Variants in NOL8 observed in about 807,000 individuals in gnomAD.
The protein encoded by NOL8 is nucleolar protein 8.
Under a neutral mutation model 116.1 loss-of-function variants are expected in NOL8, and 93 were observed. That is an observed-to-expected ratio of 0.80 (90% CI 0.68 to 0.95). The LOEUF (loss-of-function observed/expected upper bound fraction) is 0.95. NOL8 is among the 40% of genes least tolerant of loss of function. NOL8 has a pLI of 0.00. For missense variants in NOL8, 1,291 were observed against 1,382.8 expected (o/e 0.93, Z 1.05); for synonymous variants, 419 against 469.0 (o/e 0.89, Z 1.38).
chr9:92,306,341 TA>T (rs1015993100), intron 11 of NOL8, among the ~76,000 whole-genome samples: 5 of 152,234 alleles, frequency 3.3e-5, no homozygotes, highest in African/African-American at 1.2e-4. Context: ...TGGATTTTTT[TA>T]GCTTTTAAAA....
At chr9:92,304,694 G>A (rs772669539) in intron 12 of NOL8, among the ~76,000 whole-genome samples, 13 of 152,104 alleles carry the variant, frequency 8.5e-5, no homozygotes, top group Admixed American at 1.3e-4. Flanking sequence ...AGAAAGTAAC[G>A]AAAATAGTAG....
intron 16 of NOL8, 114 bp downstream of exon 16, chr9:92,298,143 G>A: frequency 1.3e-6 from 1 of 776,206 alleles, no homozygotes; most frequent in Non-Finnish European, 2.1e-6. Flanking sequence ...TCACTCAATT[G>A]AGCCAGTCTG....
rs1045363809 is a variant in NOL8, at chr9:92,298,620, A to T, written c.3373+264T>A. ...GTTTTCACATGGAATTTATGGCACTAAAACTTAGGGGTTTTATATGTCTAA... is the reference window on the plus strand; with the variant it reads ...GTTTTCACATGGAATTTATGGCACTTAAACTTAGGGGTTTTATATGTCTAA... On this transcript the variant is annotated intron_variant, in intron 15 of 16. Transcript: ENST00000442668. 5.0e-5 allele frequency: 24 copies of T among 478,178 alleles called. No individual in the cohort carries two copies. The East Asian group carries it at 7.5e-4, about 15-fold the overall frequency. 29.6% of individuals were successfully genotyped at this position (478,178 alleles called of 1,614,324 possible).
intron 13 of NOL8, chr9:92,300,693 CT>C: frequency 9.2e-7 from 1 of 1,089,064 alleles, no homozygotes; most frequent in Admixed American, 4.1e-5. Flanking sequence ...ATTTGCAATA[CT>C]TTTTGAACAA....
Position 92,315,473 on chromosome 9 carries a change from A to T in NOL8, c.1152T>A (p.Ile384=). The change falls in exon 7 of 17, where the codon ATT becomes ATA. Residue 384 remains isoleucine, a synonymous_variant. Transcript: ENST00000442668. ...REYDSGDTDE[I]IAMKKNVAKV... ...TAGCAACATTTTTTTTCATCGCAAT[A>T]ATTTCATCTGTATCTCCTGAGTCAT... 1 of 1,604,262 alleles carries T rather than the reference A, an allele frequency of 6.2e-7. No homozygotes were observed. Among genetic ancestry groups the T allele is most frequent in the Non-Finnish European group, 8.5e-7 (1 of 1,174,922 alleles).
intron 12 of NOL8, among the ~76,000 whole-genome samples, chr9:92,303,344 A>T (rs1837913831): frequency 6.6e-6 from 1 of 152,112 alleles, no homozygotes; most frequent in African/African-American, 2.4e-5. Flanking sequence ...AAGTTAAGGA[A>T]TTTTTTTTAT....
At chr9:92,304,679 T>C (rs1012416059) in intron 12 of NOL8, among the ~76,000 whole-genome samples, 1 of 152,190 alleles carries the variant, frequency 6.6e-6, no homozygotes, top group Non-Finnish European at 1.5e-5. Flanking sequence ...CAATTTTAGG[T>C]TTACAGAAAG....
intron 12 of NOL8, 41 bp downstream of exon 12, chr9:92,305,712 A>C (rs377718847): frequency 1.5e-6 from 2 of 1,343,898 alleles, no homozygotes; most frequent in Non-Finnish European, 2.1e-6. Context: ...AATGAGATTA[A>C]TTTACATGAT....
At chr9:92,303,216 G>T (rs1175800066) in intron 12 of NOL8, among the ~76,000 whole-genome samples, 1 of 152,058 alleles carries the variant, frequency 6.6e-6, no homozygotes, top group African/African-American at 2.4e-5. Context: ...TTAAGAAAGG[G>T]CTTCTAAGCA....
At position 92,311,271 on chromosome 9, in the gene NOL8, A is replaced by G. The variant is rs1359824254; in HGVS notation, c.2359-12T>C. 1.3e-6 allele frequency: 2 copies of G among 1,590,906 alleles called. No homozygotes were observed. The highest frequency in any genetic ancestry group is 3.4e-5 in the Admixed American group (2 of 58,866). On this transcript the variant is annotated splice_polypyrimidine_tract_variant and intron_variant, in intron 7 of 16. Transcript: ENST00000442668. ...TCTGGATGACCATCCTAGGGAGGCC[A>G]TCGAAAGCATTGCATCTTAAAAAGA...
chr9:92,301,584 AAG>A lies in NOL8; in HGVS notation c.3140_3141del (p.Ser1047PhefsTer3). On this transcript the variant is annotated frameshift_variant, in exon 13 of 17. Coordinates refer to ENST00000442668, the MANE Select transcript of NOL8 (RefSeq NM_017948.6). LOFTEE classifies it high-confidence loss of function. ...ATGTCTTTAGTGTCTGAATCAAAAA[AAG>A]AGAACGTGAACCCGCTGGGCTGCTC... Reference protein sequence around the residue: ...DAEQPSGFTFSFFDSDTKDIK... With the variant: ...DAEQPSGFTFXFFDSDTKDIK... The A allele has an allele frequency of 6.2e-7, 1 of 1,603,594 alleles. No homozygotes were observed.
At chr9:92,319,479 AAAAC>A in intron 4 of NOL8, 123 bp from the exon 5 acceptor site, 2 of 970,278 alleles carry the variant, frequency 2.1e-6, no homozygotes, top group Non-Finnish European at 2.8e-6. Context: ...AAACCAAAAT[AAAAC>A]AAAAATGCTT....
chr9:92,300,016 T>C lies in NOL8; in HGVS notation c.3176A>G (p.Glu1059Gly), dbSNP rs1837597093. ...TTTCACTGTTTCAACTCTGTAGGTC[T>C]CTATATCGTTATGACAACAAAAGAT... is the stretch of plus-strand genomic sequence containing the variant. Reference protein sequence around the residue: ...FDSDTKDIKEETYRVETVKPG... With the variant: ...FDSDTKDIKEGTYRVETVKPG... Residue 1059 changes from glutamate (E) to glycine (G), a missense_variant and splice_region_variant, in exon 14 of 17, where the codon GAG becomes GGG. Physicochemically the swap from Glu to Gly is moderately conservative, Grantham distance 98. Transcript: ENST00000442668. The C allele has an allele frequency of 6.2e-7, 1 of 1,612,438 alleles. No individual in the cohort carries two copies. Among genetic ancestry groups the C allele is most frequent in the East Asian group, 2.2e-5 (1 of 44,790 alleles).
chr9:92,307,153 C>T, intron 10 of NOL8, 129 bp from the exon 11 acceptor site: 4 of 901,688 alleles, frequency 4.4e-6, no homozygotes, highest in Non-Finnish European at 6.5e-6. Context: ...ACTTTAACCT[C>T]ATTTCACTAA....
At chr9:92,312,440 A>G (rs1838882706) in intron 7 of NOL8, among the ~76,000 whole-genome samples, 1 of 113,842 alleles carries the variant, frequency 8.8e-6, no homozygotes, top group Admixed American at 9.0e-5. Flanking sequence ...ACAGAGTGAG[A>G]CCCTGTAAAA....
chr9:92,307,150 C>A, intron 10 of NOL8, 126 bp from the exon 11 acceptor site: 1 of 921,286 alleles, frequency 1.1e-6, no homozygotes, highest in Non-Finnish European at 1.6e-6. Flanking sequence ...GAAACTTTAA[C>A]CTCATTTCAC....
intron 13 of NOL8, chr9:92,300,807 C>G: frequency 9.5e-7 from 1 of 1,049,898 alleles, no homozygotes. Context: ...GACAGAGACT[C>G]TGTCTCCAAA....
At chr9:92,307,937 G>A (rs567670911) in intron 10 of NOL8, among the ~76,000 whole-genome samples, 22 of 152,288 alleles carry the variant, frequency 1.4e-4, no homozygotes, top group African/African-American at 5.1e-4. Flanking sequence ...ACTGCATTAG[G>A]TTGAAACTGC....
intron 7 of NOL8, among the ~76,000 whole-genome samples, chr9:92,313,449 G>A (rs184976058): frequency 7.1e-4 from 108 of 152,252 alleles, no homozygotes; most frequent in Non-Finnish European, 1.2e-3. Context: ...ACATAAATAG[G>A]TCATGGGCTG....
Sources: allele counts gnomAD v4.1 joint callset (sites outside exome capture counted in the v4.1 genomes callset), GRCh38; gene constraint gnomAD v4.1.1; transcripts MANE v1.5; gene names NCBI Gene and HGNC (gene_info 2026-07-23, HGNC 2026-07-21).